Variants in ABCC12 observed in about 807,000 individuals in gnomAD.
ABCC12 encodes ATP-binding cassette sub-family C member 12.
In ABCC12, 142 loss-of-function variants were observed where a neutral mutation model predicts 151.1. That is an observed-to-expected ratio of 0.94 (90% CI 0.82 to 1.08). ABCC12 has a LOEUF of 1.08. ABCC12 is among the 50% of genes least tolerant of loss of function. The pLI is 0.00. For missense variants in ABCC12, 1,638 were observed against 1,691.1 expected (o/e 0.97, Z 0.55); for synonymous variants, 645 against 646.4 (o/e 1.00, Z 0.03).
chr16:48,101,185 G>A (rs1244346209), intron 22 of ABCC12, among the ~76,000 whole-genome samples, 176 bp from the exon 23 acceptor site: 1 of 152,216 alleles, frequency 6.6e-6, no homozygotes, highest in Non-Finnish European at 1.5e-5. Flanking sequence ...CCCAGGTGTG[G>A]GAATGGCGGA....
chr16:48,155,682 C>T (rs1965175749), intron 1 of ABCC12, 159 bp downstream of exon 1: 1 of 152,258 alleles, frequency 6.6e-6, no homozygotes, highest in African/African-American at 2.4e-5. Flanking sequence ...CTGCCTCCCA[C>T]TTGGGCAGCC....
intron 11 of ABCC12, among the ~76,000 whole-genome samples, chr16:48,127,091 C>T (rs1039532060): frequency 3.9e-5 from 6 of 152,146 alleles, no homozygotes; most frequent in South Asian, 2.1e-4. Context: ...AATATCGTTT[C>T]CAATGAATAC....
chr16:48,133,682 C>T lies in ABCC12; in HGVS notation c.1128+5G>A, dbSNP rs1964508884. 9 of 1,613,628 alleles carry T rather than the reference C, an allele frequency of 5.6e-6. No individual in the cohort carries two copies. The highest frequency in any genetic ancestry group is 7.6e-6 in the Non-Finnish European group (9 of 1,179,852). The stretch of plus-strand genomic sequence containing the variant: ...AAAGAGCCTCGATCTGGAGCCAGCT[C>T]TTACCACGGGTGCGGTGAGTTTGCG... On this transcript the variant is annotated splice_donor_5th_base_variant and intron_variant, in intron 9 of 30. Transcript: ENST00000311303.
At chr16:48,101,134 TG>T in intron 22 of ABCC12, 125 bp from the exon 23 acceptor site, 1 of 1,181,598 alleles carries the variant, frequency 8.5e-7, no homozygotes, top group South Asian at 1.7e-5. Context: ...GCCATCTAAC[TG>T]GGGATGAAGA....
chr16:48,108,103 T>G (rs1963559508), intron 19 of ABCC12, among the ~76,000 whole-genome samples: 1 of 152,192 alleles, frequency 6.6e-6, no homozygotes, highest in Non-Finnish European at 1.5e-5. Context: ...AGGCATGTTT[T>G]GCACACTGAG....
intron 21 of ABCC12, 75 bp downstream of exon 21, chr16:48,105,064 C>G: frequency 1.3e-6 from 2 of 1,552,364 alleles, no homozygotes; most frequent in Non-Finnish European, 1.8e-6. Context: ...CAGCACCATG[C>G]CTGGCACACT....
chr16:48,146,401 A>G lies in ABCC12; in HGVS notation c.24T>C (p.Leu8=). Residue 8 remains leucine, a synonymous_variant, in exon 3 of 31, where the codon CTT becomes CTC. Transcript: ENST00000311303. Reference sequence around the variant, plus strand: ...GGCCTCGCTGGTCCAGATCTGAGATAAGGTAGGGTCCTTCACCCACCATCC... The same window carrying G: ...GGCCTCGCTGGTCCAGATCTGAGATGAGGTAGGGTCCTTCACCCACCATCC... The part of the protein sequence containing the change: MVGEGPY[L]ISDLDQRGRR... 6.2e-7 allele frequency: 1 copy of G among 1,614,128 alleles called. No individual in the cohort carries two copies. The highest frequency in any genetic ancestry group is 1.7e-5 in the Admixed American group (1 of 60,014).
chr16:48,141,417 T>A, intron 4 of ABCC12, 64 bp from the exon 5 acceptor site: 1 of 1,589,020 alleles, frequency 6.3e-7, no homozygotes, highest in Non-Finnish European at 8.6e-7. Flanking sequence ...GAAGCTACGC[T>A]GTTGGGCATG....
At chr16:48,128,339 G>T in intron 11 of ABCC12, 120 bp downstream of exon 11, 1 of 1,433,438 alleles carries the variant, frequency 7.0e-7, no homozygotes, top group Non-Finnish European at 9.4e-7. Flanking sequence ...AGGGACTCTG[G>T]TTAGAGACAT....
chr16:48,084,045 G>C lies in ABCC12; in HGVS notation c.3857C>G (p.Ser1286Cys). The part of the protein sequence containing the change: ...KIILLDEATA[S>C]MDSKTDTLVQ... ...CAGGGTGTCAGTCTTGGAGTCCATA[G>C]AGGCGGTGGCTTCATCAAGGAGAAT... Residue 1286 changes from serine to cysteine, a missense_variant, in exon 30 of 31, where the codon TCT becomes TGT. By Grantham distance (112) the Ser-to-Cys change is moderately radical. Coordinates refer to ENST00000311303, the MANE Select transcript of ABCC12 (RefSeq NM_001393797.1). The C allele has an allele frequency of 6.2e-7, 1 of 1,611,436 alleles. No individual in the cohort carries two copies.
intron 11 of ABCC12, 120 bp downstream of exon 11, chr16:48,128,339 G>A: frequency 2.8e-6 from 4 of 1,433,438 alleles, no homozygotes; most frequent in Non-Finnish European, 3.8e-6. Flanking sequence ...AGGGACTCTG[G>A]TTAGAGACAT....
chr16:48,115,846 C>T (rs528791582), intron 14 of ABCC12, among the ~76,000 whole-genome samples: 8 of 152,316 alleles, frequency 5.3e-5, no homozygotes, highest in East Asian at 1.9e-4. Flanking sequence ...GCAGCGGCAA[C>T]GAGGGCAAAG....
In ABCC12 at chr16:48,081,107, T is replaced by C. The variant is rs1326410606; in HGVS notation, c.*2608A>G. Among the ~76,000 whole-genome samples the C allele has an allele frequency of 6.6e-6, 1 of 151,968 alleles. No individual in the cohort carries two copies. Among genetic ancestry groups the C allele is most frequent in the Non-Finnish European group, 1.5e-5 (1 of 67,996 alleles). On this transcript the variant is annotated 3_prime_UTR_variant, in exon 31 of 31. Transcript: ENST00000311303. Reference sequence around the variant, plus strand: ...CACCCTCATGACCTAATTAATCACCTCCTAAAGGCCCTACCTCTATACTGT... The same window carrying C: ...CACCCTCATGACCTAATTAATCACCCCCTAAAGGCCCTACCTCTATACTGT...
intron 11 of ABCC12, among the ~76,000 whole-genome samples, chr16:48,125,249 C>T (rs1311457539): frequency 1.3e-5 from 2 of 152,146 alleles, no homozygotes; most frequent in Non-Finnish European, 1.5e-5. Context: ...AGGAGGCAAA[C>T]GGAACTCAAC....
chr16:48,138,602 G>A (rs1964692498), intron 7 of ABCC12, among the ~76,000 whole-genome samples: 1 of 152,166 alleles, frequency 6.6e-6, no homozygotes, highest in South Asian at 2.1e-4. Flanking sequence ...CTCAAAGAGA[G>A]TGCTGGGGGC....
rs913617929 is a variant in ABCC12 at position 48,124,578 on chromosome 16, CTGGG to C, written c.1516-298_1516-295del. Among the ~76,000 whole-genome samples, 7 of 152,374 alleles carry C rather than the reference CTGGG, an allele frequency of 4.6e-5. 1 individual carries two copies. Among genetic ancestry groups the C allele is most frequent in the Admixed American group, 4.6e-4 (7 of 15,304 alleles). On this transcript the variant is annotated intron_variant, in intron 11 of 30. Transcript: ENST00000311303. Reference sequence around the variant, plus strand: ...TGGTGTGAAACAGCCTTGTGCTGGTCTGGGAGACACAGGCCTTGAACAGGAAGGC... The same window carrying C: ...TGGTGTGAAACAGCCTTGTGCTGGTCAGACACAGGCCTTGAACAGGAAGGC...
At chr16:48,104,454 C>T in intron 21 of ABCC12, 86 bp from the exon 22 acceptor site, 1 of 1,256,270 alleles carries the variant, frequency 8.0e-7, no homozygotes, top group Non-Finnish European at 1.2e-6. Context: ...ATTGTGAGCA[C>T]AGGGCCTGAC....
chr16:48,100,970 C>T lies in ABCC12; in HGVS notation c.2940G>A (p.Glu980=). ...TGAACCAGGGTGACCGGCTGACATT[C>T]TCCACCTTCTTGAGCTCCTGGACTC... The part of the protein sequence containing the change: ...HRGVQELKKV[E]NVSRSPWFTH... The change falls in exon 23 of 31, where the codon GAG becomes GAA. Residue 980 remains glutamate, a synonymous_variant. Transcript: ENST00000311303. The T allele has an allele frequency of 6.2e-7, 1 of 1,614,226 alleles. No individual in the cohort carries two copies. The highest frequency in any genetic ancestry group is 8.5e-7 in the Non-Finnish European group (1 of 1,180,032).
chr16:48,088,708 G>A lies in ABCC12; in HGVS notation c.3312C>T (p.Pro1104=). Residue 1104 remains proline, a synonymous_variant, in exon 26 of 31, where the codon CCC becomes CCT. Transcript: ENST00000311303. ...ISTCVPECTH[P]LKVGTCPKDW... is the part of the protein sequence containing the mutation. ...CCTTGGGACAGGTCCCCACTTTGAG[G>A]GGATGAGTGCATTCAGGAACACAGG... is the stretch of plus-strand genomic sequence containing the variant. 6.2e-7 allele frequency: 1 copy of A among 1,613,840 alleles called. No individual in the cohort carries two copies. Among genetic ancestry groups the A allele is most frequent in the South Asian group, 1.1e-5 (1 of 91,004 alleles).
Sources: gnomAD v4.1 joint callset for allele counts (sites outside exome capture counted in the v4.1 genomes callset) on GRCh38, gnomAD v4.1.1 for gene constraint, MANE v1.5 for transcripts, NCBI Gene and HGNC (gene_info 2026-07-23, HGNC 2026-07-21) for gene names.